Variants in MAF observed in about 807,000 individuals in gnomAD.
MAF encodes transcription factor Maf.
In MAF, 10 loss-of-function variants were observed where a neutral mutation model predicts 22.0. The observed-to-expected ratio is 0.45, with a 90% CI of 0.28 to 0.77. The LOEUF (loss-of-function observed/expected upper bound fraction) is 0.77, where lower values mean the gene tolerates loss of function less well. Ranked by LOEUF, MAF falls within the 30% of genes least tolerant of loss-of-function variation. The pLI, the probability that MAF is intolerant of heterozygous loss-of-function variation, is 0.12. For missense variants in MAF, 544 were observed against 548.4 expected (o/e 0.99, Z 0.08); for synonymous variants, 337 against 255.8 (o/e 1.32, Z -3.03).
chr16:79,578,653 C>T, the MAF span, among the ~76,000 whole-genome samples: 1 of 152,266 alleles, frequency 6.6e-6, no homozygotes, highest in Middle Eastern at 3.4e-3. Context: ...AGCTTTGACA[C>T]ACAAAGCCTT....
intron 1 of MAF, chr16:79,596,467 C>G (rs1913530851): frequency 9.5e-7 from 1 of 1,051,614 alleles, no homozygotes; most frequent in Middle Eastern, 4.3e-4. Flanking sequence ...CACTAAGAAA[C>G]TGAGTACAGA....
At chr16:79,421,176 G>A in the MAF span, among the ~76,000 whole-genome samples, 6 of 152,274 alleles carry the variant, frequency 3.9e-5, no homozygotes, top group East Asian at 1.2e-3. Flanking sequence ...ACGTACAAGA[G>A]AAAACAATAT....
At chr16:79,497,360 C>A in the MAF span, among the ~76,000 whole-genome samples, 2 of 152,120 alleles carry the variant, frequency 1.3e-5, no homozygotes, top group Admixed American at 6.6e-5. Context: ...CATGTATGCC[C>A]CTCAACTCTC....
the MAF span, among the ~76,000 whole-genome samples, chr16:79,245,428 C>T: frequency 6.6e-6 from 1 of 152,020 alleles, no homozygotes; most frequent in African/African-American, 2.4e-5. Context: ...CAAAAGAAGA[C>T]ATTTATGCAG....
chr16:79,257,604 C>A, the MAF span, among the ~76,000 whole-genome samples: 1 of 152,188 alleles, frequency 6.6e-6, no homozygotes, highest in Admixed American at 6.5e-5. Context: ...TCAGCCTCAG[C>A]CGAGCTACTT....
the MAF span, chr16:79,211,971 C>G: frequency 1.3e-6 from 2 of 1,532,756 alleles, no homozygotes; most frequent in East Asian, 4.9e-5. Context: ...GCAGGGAATT[C>G]CTGGGGTAAA....
the MAF span, among the ~76,000 whole-genome samples, chr16:79,417,417 G>T: frequency 6.6e-6 from 1 of 152,210 alleles, no homozygotes; most frequent in African/African-American, 2.4e-5. Context: ...CTATTTTGAA[G>T]GTGGAGGGGA....
chr16:79,210,332 G>C, the MAF span, among the ~76,000 whole-genome samples: 1 of 152,288 alleles, frequency 6.6e-6, no homozygotes, highest in Admixed American at 6.5e-5. Context: ...GTATGGACCT[G>C]ACTCTCCCAG....
the MAF span, among the ~76,000 whole-genome samples, chr16:79,261,164 A>G: frequency 1.3e-5 from 2 of 151,922 alleles, no homozygotes; most frequent in African/African-American, 4.8e-5. Context: ...TTATTTATTT[A>G]TTTATGAGAC....
At chr16:79,373,999 C>T in the MAF span, among the ~76,000 whole-genome samples, 1 of 152,176 alleles carries the variant, frequency 6.6e-6, no homozygotes, top group East Asian at 1.9e-4. Context: ...TTCTCATGAT[C>T]CTGAGAGTTG....
At chr16:79,346,882 A>G in the MAF span, among the ~76,000 whole-genome samples, 1 of 152,190 alleles carries the variant, frequency 6.6e-6, no homozygotes. Flanking sequence ...TGCTGTTAGC[A>G]TTTGATAAGA....
the MAF span, among the ~76,000 whole-genome samples, chr16:79,344,356 CATATCCAAGTCT>C: frequency 6.6e-6 from 1 of 152,214 alleles, no homozygotes; most frequent in South Asian, 2.1e-4. Context: ...TTCCCAAGCT[CATATCCAAGTCT>C]GGTGGGTATA....
chr16:79,453,710 T>C, the MAF span, among the ~76,000 whole-genome samples: 357 of 152,336 alleles, frequency 2.3e-3, 1 homozygote, highest in African/African-American at 8.2e-3. Flanking sequence ...TAAGTAGCTA[T>C]CTTGAGGGTG....
At chr16:79,588,002 G>C (rs772601604) in intron 1 of MAF, among the ~76,000 whole-genome samples, 14 of 152,114 alleles carry the variant, frequency 9.2e-5, no homozygotes, top group Non-Finnish European at 1.3e-4. Context: ...TCTCACATCG[G>C]GGTAAGAGAG....
At chr16:79,374,420 C>T in the MAF span, among the ~76,000 whole-genome samples, 1 of 152,196 alleles carries the variant, frequency 6.6e-6, no homozygotes, top group Non-Finnish European at 1.5e-5. Context: ...TTCATCTCTG[C>T]TTTTGTTCCC....
the MAF span, among the ~76,000 whole-genome samples, chr16:79,538,987 G>A: frequency 6.6e-6 from 1 of 152,212 alleles, no homozygotes; most frequent in East Asian, 1.9e-4. Context: ...GACAATTCAT[G>A]GAAGGAGGAA....
chr16:79,570,705 C>T, the MAF span, among the ~76,000 whole-genome samples: 2 of 152,312 alleles, frequency 1.3e-5, no homozygotes, highest in Admixed American at 6.5e-5. Flanking sequence ...CAAATATTCC[C>T]ACGATGGCCA....
chr16:79,423,460 C>T, the MAF span, among the ~76,000 whole-genome samples: 1 of 152,154 alleles, frequency 6.6e-6, no homozygotes, highest in Non-Finnish European at 1.5e-5. Flanking sequence ...TTGTGTGTTC[C>T]ATCCACAGAA....
chr16:79,596,147 T>C (rs760925782), intron 1 of MAF: 2 of 1,063,032 alleles, frequency 1.9e-6, no homozygotes, highest in Non-Finnish European at 2.3e-6. Flanking sequence ...ATGGCTTTGC[T>C]CCTGATCAGA....
Sources: allele counts gnomAD v4.1 joint callset (sites outside exome capture counted in the v4.1 genomes callset), GRCh38; gene constraint gnomAD v4.1.1; transcripts MANE v1.5; gene names NCBI Gene and HGNC (gene_info 2026-07-23, HGNC 2026-07-21).